Variants in ME3 observed in about 807,000 individuals in gnomAD.
ME3 encodes NADP-dependent malic enzyme, mitochondrial.
ME3 carries 48 observed loss-of-function variants against 68.9 expected under a neutral mutation model. That is an observed-to-expected ratio of 0.70 (90% CI 0.55 to 0.89). The LOEUF is 0.89. Ranked by LOEUF, ME3 falls within the 40% of genes least tolerant of loss-of-function variation. The pLI is 0.00. For synonymous variants in ME3, 320 were observed against 318.8 expected (o/e 1.00, Z -0.04); for missense variants, 675 against 797.4 (o/e 0.85, Z 1.85).
intron 2 of ME3, chr11:86,668,015 C>T (rs908624702): frequency 1.3e-5 from 2 of 151,462 alleles, no homozygotes; most frequent in Non-Finnish European, 2.9e-5. Flanking sequence ...GAAGCTCATG[C>T]GTAGTTAATT....
chr11:86,551,188 G>A (rs1375824363), intron 4 of ME3, among the ~76,000 whole-genome samples: 1 of 152,156 alleles, frequency 6.6e-6, no homozygotes, highest in Non-Finnish European at 1.5e-5. Context: ...TTAAGCTTAT[G>A]AGGAAGTTTA....
intron 2 of ME3, among the ~76,000 whole-genome samples, chr11:86,635,006 T>C (rs1337713935): frequency 6.6e-6 from 1 of 152,180 alleles, no homozygotes; most frequent in Non-Finnish European, 1.5e-5. Context: ...CCAGGCACCG[T>C]TAAAAAATTA....
chr11:86,471,141 CTTTTTTTTTTT>C (rs1163128094), intron 7 of ME3, among the ~76,000 whole-genome samples: 1 of 75,044 alleles, frequency 1.3e-5, no homozygotes, highest in Non-Finnish European at 2.4e-5. Flanking sequence ...AGGCCCAGAG[CTTTTTTTTTTT>C]TTTTTTTTTT....
In ME3 at chr11:86,448,288, C is replaced by T. The variant is rs190439189; in HGVS notation, c.1132-33G>A. The T allele has an allele frequency of 1.1e-3, 1,650 of 1,503,624 alleles. 18 individuals carry two copies. Among genetic ancestry groups the T allele is most frequent in the South Asian group, 2.0e-4 (18 of 88,600 alleles). The allele number at this position is 1,503,624 out of a possible 1,614,324, so 93.1% of individuals were successfully genotyped here. A position where few individuals can be genotyped will look rare whatever the true frequency, so the allele number is the denominator to read the frequency against. ...AAAAGGAACACAGAGCAGTTGTGGT[C>T]GTGATGGCCTGTTGGGTAGGAGTAC... On this transcript the variant is annotated intron_variant, in intron 10 of 14. Coordinates refer to ENST00000543262, the Ensembl canonical transcript of ME3.
At chr11:86,520,419 G>A (rs2139178440) in intron 4 of ME3, among the ~76,000 whole-genome samples, 1 of 152,270 alleles carries the variant, frequency 6.6e-6, no homozygotes, top group South Asian at 2.1e-4. Context: ...GATCCAGAGT[G>A]GTTTTCTGAT....
chr11:86,664,299 A>G (rs1280226036), intron 2 of ME3, among the ~76,000 whole-genome samples: 2 of 152,224 alleles, frequency 1.3e-5, no homozygotes, highest in African/African-American at 2.4e-5. Flanking sequence ...TTTAATATTT[A>G]TATCTTTTTA....
At chr11:86,556,760 CTG>C (rs1956952453) in intron 3 of ME3, 58 bp from the exon 4 acceptor site, 1 of 1,573,676 alleles carries the variant, frequency 6.4e-7, no homozygotes, top group Admixed American at 1.7e-5. Context: ...CCTGATGCCT[CTG>C]TGGTGTGGTG....
chr11:86,652,263 G>A (rs940172598), intron 2 of ME3, among the ~76,000 whole-genome samples: 6 of 152,054 alleles, frequency 3.9e-5, no homozygotes, highest in East Asian at 3.9e-4. Context: ...GATACTCCTC[G>A]AGAAGAGCAA....
At chr11:86,509,507 T>C (rs1444264535) in intron 4 of ME3, among the ~76,000 whole-genome samples, 3 of 152,224 alleles carry the variant, frequency 2.0e-5, no homozygotes, top group Non-Finnish European at 4.4e-5. Context: ...GCAGGAATTA[T>C]ACCTTTTGGG....
chr11:86,518,466 C>A (rs541667868), intron 4 of ME3, among the ~76,000 whole-genome samples: 102 of 152,306 alleles, frequency 6.7e-4, no homozygotes, highest in Middle Eastern at 3.4e-3. Flanking sequence ...TTTACTACGC[C>A]CAGCCAGATT....
At chr11:86,574,770 C>T (rs755362818) in intron 2 of ME3, among the ~76,000 whole-genome samples, 16 of 152,288 alleles carry the variant, frequency 1.1e-4, no homozygotes, top group African/African-American at 2.6e-4. Context: ...AGACTCAGTA[C>T]GTCAACTTTC....
chr11:86,661,847 GTATTGTATTGTATTGTATTGTA>G (rs1946301671), intron 2 of ME3, among the ~76,000 whole-genome samples: 1 of 30,888 alleles, frequency 3.2e-5, no homozygotes, highest in East Asian at 0.01. Flanking sequence ...GTATTGTATT[GTATTGTATTGTATTGTATTGTA>G]TTGTATTGTA....
chr11:86,529,551 CA>C (rs1955040950), intron 4 of ME3, among the ~76,000 whole-genome samples: 1 of 151,872 alleles, frequency 6.6e-6, no homozygotes. Context: ...AGAGACACAA[CA>C]AAAAAAGAGA....
chr11:86,444,089 T>C (rs10501620), intron 13 of ME3, among the ~76,000 whole-genome samples: 12,537 of 152,142 alleles, frequency 0.082, 698 homozygotes, highest in East Asian at 0.26. Context: ...ATAGCAATTA[T>C]AGTGGGTGAG....
intron 8 of ME3, 61 bp from the exon 9 acceptor site, chr11:86,450,459 C>A: frequency 7.0e-7 from 1 of 1,437,152 alleles, no homozygotes; most frequent in Non-Finnish European, 9.7e-7. Flanking sequence ...CAAGAGAAGA[C>A]CCTTGGCAGA....
intron 2 of ME3, among the ~76,000 whole-genome samples, chr11:86,601,306 CA>C (rs1236896837): frequency 6.6e-6 from 1 of 152,306 alleles, no homozygotes; most frequent in East Asian, 1.9e-4. Context: ...AAACTACCAT[CA>C]GAGGATACTA....
Position 86,457,603 on chromosome 11 carries a change from T to C in ME3, c.920-7205A>G, listed in dbSNP as rs558932280. On this transcript the variant is annotated intron_variant, in intron 8 of 14. Transcript: ENST00000543262. ...CCATCATTAACCTGCATTTTTGGGG[T>C]GCTCTTGGGCTATGCACTAGGGGTT... 4 of 1,192,290 alleles carry C rather than the reference T, an allele frequency of 3.4e-6. No individual in the cohort carries two copies. In the African/African-American group the frequency reaches 6.4e-5, roughly 19 times the overall value. 73.9% of individuals were successfully genotyped at this position (1,192,290 alleles called of 1,614,324 possible). A position where few individuals can be genotyped will look rare whatever the true frequency, so the allele number is the denominator to read the frequency against.
intron 4 of ME3, among the ~76,000 whole-genome samples, chr11:86,527,931 GA>G (rs1954893788): frequency 1.3e-5 from 2 of 152,196 alleles, no homozygotes; most frequent in South Asian, 2.1e-4. Context: ...TCGAGGCTAG[GA>G]AGAAACTGCA....
At chr11:86,636,459 C>G (rs1944342118) in intron 2 of ME3, among the ~76,000 whole-genome samples, 1 of 152,174 alleles carries the variant, frequency 6.6e-6, no homozygotes, top group Non-Finnish European at 1.5e-5. Flanking sequence ...TGCCCAACCA[C>G]TGCAACCAAC....
Sources: gnomAD v4.1 joint callset for allele counts (sites outside exome capture counted in the v4.1 genomes callset) on GRCh38, gnomAD v4.1.1 for gene constraint, MANE v1.5 for transcripts, NCBI Gene and HGNC (gene_info 2026-07-23, HGNC 2026-07-21) for gene names.